The following LOXL2 variants were observed in gnomAD, a reference collection of about 807,000 sequenced individuals.
LOXL2 encodes the protein lysyl oxidase like 2.
In LOXL2, 70 loss-of-function variants were observed where a neutral mutation model predicts 93.0. That is an observed-to-expected ratio of 0.75 (90% CI 0.62 to 0.92). The LOEUF (loss-of-function observed/expected upper bound fraction) is 0.92. Among genes scored for constraint, LOXL2 ranks in the 40% least tolerant of loss-of-function variants. LOXL2 has a pLI of 0.00. For missense variants in LOXL2, 973 were observed against 1,054.9 expected (o/e 0.92, Z 1.08); for synonymous variants, 438 against 413.2 (o/e 1.06, Z -0.73).
At chr8:23,354,591 T>C (rs1804153654) in intron 3 of LOXL2, among the ~76,000 whole-genome samples, 1 of 70,198 alleles carries the variant, frequency 1.4e-5, no homozygotes, top group African/African-American at 7.3e-5. Flanking sequence ...CCCTTCTCTG[T>C]GTGTGTGTGT....
intron 12 of LOXL2, among the ~76,000 whole-genome samples, chr8:23,301,494 A>G (rs1388861022): frequency 1.3e-5 from 2 of 152,354 alleles, no homozygotes; most frequent in Middle Eastern, 6.8e-3. Flanking sequence ...TTATTCTTAT[A>G]GATTCACTTT....
chr8:23,303,220 CG>C (rs1406834096), intron 11 of LOXL2, 61 bp downstream of exon 11: 1 of 1,015,468 alleles, frequency 9.8e-7, no homozygotes, highest in African/African-American at 1.6e-5. Flanking sequence ...GCCAGGTGAT[CG>C]TGGAGGCAGA....
intron 5 of LOXL2, chr8:23,331,319 A>T (rs548119920): frequency 6.6e-6 from 1 of 152,294 alleles, no homozygotes; most frequent in Non-Finnish European, 1.5e-5. Flanking sequence ...CTCTGCCCCC[A>T]CCCCAGAGCC....
In LOXL2 at chr8:23,333,610, G is replaced by T. The variant is rs772042943; in HGVS notation, c.757C>A (p.Arg253=). 1.2e-6 allele frequency: 2 copies of T among 1,612,862 alleles called. No individual in the cohort carries two copies. Among genetic ancestry groups the T allele is most frequent in the African/African-American group, 1.3e-5 (1 of 74,926 alleles). ...AATGGCCAGTAGCGCTGCTTCCTCC[G>T]TGAGGCAAACATTCTGCAGACGATG... ...NTKVYKMFAS[R]RKQRYWPFSM... is the part of the protein sequence containing the mutation. Residue 253 remains arginine (R), a synonymous_variant, in exon 5 of 14, where the codon CGG becomes AGG. Transcript: ENST00000389131.
chr8:23,341,039 G>A lies in LOXL2; in HGVS notation c.696C>T (p.Gly232=). 1.2e-6 allele frequency: 2 copies of A among 1,614,190 alleles called. No homozygotes were observed. Among genetic ancestry groups the A allele is most frequent in the Non-Finnish European group, 1.7e-6 (2 of 1,180,040 alleles). The part of the protein sequence containing the change: ...WTAKNSRVVC[G]MFGFPGERTY... Reference sequence around the variant, plus strand: ...TCCTCTCCCCAGGGAAGCCAAACATGCCGCAGACCACGCGGGAATTCTTGG... The same window carrying A: ...TCCTCTCCCCAGGGAAGCCAAACATACCGCAGACCACGCGGGAATTCTTGG... Residue 232 remains glycine, a synonymous_variant, in exon 4 of 14, where the codon GGC becomes GGT. Transcript: ENST00000389131.
At chr8:23,381,509 C>T (rs1804680423) in intron 1 of LOXL2, among the ~76,000 whole-genome samples, 1 of 152,132 alleles carries the variant, frequency 6.6e-6, no homozygotes, top group Non-Finnish European at 1.5e-5. Context: ...TTTCCTCCAT[C>T]TGATAAGCAA....
chr8:23,307,982 T>C (rs912016524), intron 10 of LOXL2, among the ~76,000 whole-genome samples: 3 of 22,178 alleles, frequency 1.4e-4, no homozygotes, highest in Non-Finnish European at 3.6e-4. Flanking sequence ...AAGCCAAAGA[T>C]AGATTTCTGA....
intron 3 of LOXL2, among the ~76,000 whole-genome samples, chr8:23,354,956 T>TACA (rs1804165915): frequency 1.2e-5 from 1 of 82,102 alleles, no homozygotes; most frequent in Non-Finnish European, 2.5e-5. Context: ...TATATTTTTT[T>TACA]TTTTTTTTTT....
At chr8:23,395,387 G>A (rs997851901) in intron 1 of LOXL2, among the ~76,000 whole-genome samples, 2 of 149,332 alleles carry the variant, frequency 1.3e-5, no homozygotes, top group Admixed American at 1.3e-4. Context: ...TGGCAATATA[G>A]AGACAGAAAC....
intron 9 of LOXL2, among the ~76,000 whole-genome samples, chr8:23,314,031 C>A (rs1322288363): frequency 2.1e-5 from 3 of 145,158 alleles, no homozygotes; most frequent in Non-Finnish European, 4.6e-5. Context: ...AGCCAAAAAA[C>A]ACATGAAAAA....
intron 10 of LOXL2, 124 bp from the exon 11 acceptor site, chr8:23,303,521 A>C (rs1205574966): frequency 1.5e-6 from 1 of 645,570 alleles, no homozygotes; most frequent in African/African-American, 1.8e-5. Context: ...CCGGGTGGGG[A>C]GAGGAGTGGA....
At position 23,320,208 on chromosome 8, in the gene LOXL2, C is replaced by T. The variant is rs149000917; in HGVS notation, c.1303-156G>A. 3.4e-3 allele frequency among the ~76,000 whole-genome samples: 512 copies of T among 152,312 alleles called. 1 individual carries two copies. The highest frequency in any genetic ancestry group is 6.2e-3 in the South Asian group (30 of 4,820). On this transcript the variant is annotated intron_variant, in intron 7 of 13. Coordinates refer to ENST00000389131, the MANE Select transcript of LOXL2 (RefSeq NM_002318.3). Reference sequence around the variant, plus strand: ...CACCCTTGGGAGCCCCCGGTGGCAGCGCTGTGCCTAGCATGGTCTTATAGT... The same window carrying T: ...CACCCTTGGGAGCCCCCGGTGGCAGTGCTGTGCCTAGCATGGTCTTATAGT...
intron 6 of LOXL2, among the ~76,000 whole-genome samples, chr8:23,326,123 G>A (rs1297214137): frequency 6.6e-6 from 1 of 152,204 alleles, no homozygotes; most frequent in African/African-American, 2.4e-5. Context: ...TGTCTGCTCT[G>A]TGACTTGACA....
At chr8:23,377,456 C>A (rs1415995385) in intron 1 of LOXL2, among the ~76,000 whole-genome samples, 1 of 129,498 alleles carries the variant, frequency 7.7e-6, no homozygotes, top group East Asian at 2.3e-4. Context: ...TCTATTAGGT[C>A]CGCTTGGTGC....
chr8:23,333,086 T>G lies in LOXL2; in HGVS notation c.966+315A>C, dbSNP rs187501484. 3.3e-5 allele frequency among the ~76,000 whole-genome samples: 5 copies of G among 152,268 alleles called. No individual in the cohort carries two copies. The East Asian group carries it at 9.7e-4, about 29-fold the overall frequency. On this transcript the variant is annotated intron_variant, in intron 5 of 13. Coordinates refer to ENST00000389131, the MANE Select transcript of LOXL2 (RefSeq NM_002318.3). The stretch of plus-strand genomic sequence containing the variant: ...GCTGACTGCATGTGCTTTTCAGAGT[T>G]GGGTCACATTTCCAGCTGTCCTTTG...
intron 3 of LOXL2, among the ~76,000 whole-genome samples, chr8:23,348,854 G>A (rs1179686172): frequency 6.6e-6 from 1 of 151,430 alleles, no homozygotes; most frequent in Non-Finnish European, 1.5e-5. Flanking sequence ...CCCAGCCTGG[G>A]CGACAGAGCA....
At chr8:23,324,314 A>G (rs997974590) in intron 6 of LOXL2, among the ~76,000 whole-genome samples, 1 of 152,170 alleles carries the variant, frequency 6.6e-6, no homozygotes, top group African/African-American at 2.4e-5. Flanking sequence ...TGTCTCAGAC[A>G]TCTGGGGACA....
chr8:23,395,749 G>C (rs980415677), intron 1 of LOXL2, among the ~76,000 whole-genome samples: 1 of 151,958 alleles, frequency 6.6e-6, no homozygotes, highest in Non-Finnish European at 1.5e-5. Context: ...GCCCAGGCTG[G>C]AGCACAGTGG....
At position 23,302,086 on chromosome 8, in the gene LOXL2, C is replaced by T; in HGVS notation, c.2074G>A (p.Asp692Asn). Residue 692 changes from aspartate (D) to asparagine (N), a missense_variant, in exon 12 of 14, where the codon GAC (aspartate) becomes AAC (asparagine). By Grantham distance (23) the Asp-to-Asn change is conservative. Transcript: ENST00000389131. ...ATGTCAACCCACTGGCAGTCGATGT[C>T]ATGGCGGTACATGTCCCAGCAGCCC... ...TMGCWDMYRHDIDCQWVDITD... is the reference protein window; with the variant it reads ...TMGCWDMYRHNIDCQWVDITD... 1 of 1,614,180 alleles carries T rather than the reference C, an allele frequency of 6.2e-7. No homozygotes were observed. The highest frequency in any genetic ancestry group is 2.2e-5 in the East Asian group (1 of 44,886).
Sources: gnomAD v4.1 joint callset for allele counts (sites outside exome capture counted in the v4.1 genomes callset) on GRCh38, gnomAD v4.1.1 for gene constraint, MANE v1.5 for transcripts, NCBI Gene and HGNC (gene_info 2026-07-23, HGNC 2026-07-21) for gene names.